Variants in RBFOX1 observed in about 807,000 individuals in gnomAD.
RBFOX1 encodes RNA binding fox-1 homolog 1.
A neutral mutation model predicts 57.7 loss-of-function variants in RBFOX1; 8 were observed. That is an observed-to-expected ratio of 0.14 (90% CI 0.08 to 0.25). The LOEUF (loss-of-function observed/expected upper bound fraction) is 0.25. RBFOX1 is among the 10% of genes least tolerant of loss of function. RBFOX1 has a pLI of 1.00. For missense variants in RBFOX1, 611 were observed against 548.5 expected, an observed-to-expected ratio of 1.11 and a Z score of -1.14; for synonymous variants, 326 against 222.4, an observed-to-expected ratio of 1.47 and a Z score of -4.15.
chr16:5,462,463 C>G (rs558468634), intron 1 of RBFOX1, among the ~76,000 whole-genome samples: 1 of 152,070 alleles, frequency 6.6e-6, no homozygotes. Flanking sequence ...CCACCGCGCC[C>G]GGCCGAAACC....
chr16:7,562,522 A>T (rs998812036), intron 5 of RBFOX1, among the ~76,000 whole-genome samples: 17 of 152,164 alleles, frequency 1.1e-4, no homozygotes, highest in Admixed American at 9.2e-4. Flanking sequence ...AGGATGGCTG[A>T]TCAGTGCCCC....
chr16:6,981,142 C>T (rs897546425), intron 3 of RBFOX1, among the ~76,000 whole-genome samples: 17 of 149,040 alleles, frequency 1.1e-4, no homozygotes, highest in African/African-American at 4.0e-4. Context: ...TTTAAATTTA[C>T]AGGTACACTT....
intron 3 of RBFOX1, among the ~76,000 whole-genome samples, chr16:5,820,086 C>G (rs2055789928): frequency 6.6e-6 from 1 of 152,216 alleles, no homozygotes; most frequent in Non-Finnish European, 1.5e-5. Context: ...CGCTTCTGCA[C>G]TATAAATGCA....
intron 4 of RBFOX1, among the ~76,000 whole-genome samples, chr16:7,052,556 C>G (rs1231403517): frequency 1.3e-5 from 2 of 152,014 alleles, no homozygotes; most frequent in Non-Finnish European, 2.9e-5. Flanking sequence ...ATCTATAGAC[C>G]TCTTGGTTTT....
intron 4 of RBFOX1, among the ~76,000 whole-genome samples, chr16:7,098,027 G>A (rs2061992666): frequency 6.6e-6 from 1 of 152,210 alleles, no homozygotes; most frequent in African/African-American, 2.4e-5. Context: ...TGAGCTCAGT[G>A]ATGGAGTATT....
chr16:7,571,091 A>G (rs372710758), intron 5 of RBFOX1, among the ~76,000 whole-genome samples: 200 of 152,274 alleles, frequency 1.3e-3, no homozygotes, highest in African/African-American at 4.2e-3. Context: ...GCGAAGGGAG[A>G]GCATCAGGAT....
At chr16:7,066,125 T>C (rs975990548) in intron 4 of RBFOX1, among the ~76,000 whole-genome samples, 6 of 152,212 alleles carry the variant, frequency 3.9e-5, no homozygotes, top group African/African-American at 1.2e-4. Context: ...CTATAGTCAT[T>C]AGGCACAAAC....
At chr16:6,249,529 A>G (rs1035540679) in intron 1 of RBFOX1, among the ~76,000 whole-genome samples, 7 of 152,136 alleles carry the variant, frequency 4.6e-5, no homozygotes, top group African/African-American at 1.7e-4. Context: ...ATCTCAAAAA[A>G]ACAAACAAAC....
intron 1 of RBFOX1, among the ~76,000 whole-genome samples, chr16:5,401,571 C>G (rs940493056): frequency 6.6e-6 from 1 of 151,848 alleles, no homozygotes; most frequent in South Asian, 2.1e-4. Flanking sequence ...AATTTTGACA[C>G]CCTTCCCCTA....
At chr16:7,406,514 C>T (rs928148302) in intron 4 of RBFOX1, among the ~76,000 whole-genome samples, 5 of 152,148 alleles carry the variant, frequency 3.3e-5, no homozygotes, top group Admixed American at 3.3e-4. Flanking sequence ...TCGAATCTTG[C>T]TTTTGAGTGG....
intron 2 of RBFOX1, among the ~76,000 whole-genome samples, chr16:6,631,153 T>A (rs2098380336): frequency 6.6e-6 from 1 of 151,864 alleles, no homozygotes; most frequent in Non-Finnish European, 1.5e-5. Context: ...ATTTAGAAGG[T>A]CAAAGGCAGA....
intron 1 of RBFOX1, among the ~76,000 whole-genome samples, chr16:5,320,485 A>AT (rs2064372532): frequency 6.6e-6 from 1 of 152,182 alleles, no homozygotes; most frequent in South Asian, 2.1e-4. Flanking sequence ...ACTTGGTTTT[A>AT]TTTTACTTAG....
At chr16:6,368,890 A>G (rs2090042582) in intron 2 of RBFOX1, among the ~76,000 whole-genome samples, 1 of 152,326 alleles carries the variant, frequency 6.6e-6, no homozygotes, top group East Asian at 1.9e-4. Flanking sequence ...GATTGTGGTA[A>G]AGTAACGCAG....
chr16:5,750,207 G>T (rs118005150), intron 3 of RBFOX1, among the ~76,000 whole-genome samples: 1 of 152,164 alleles, frequency 6.6e-6, no homozygotes, highest in Non-Finnish European at 1.5e-5. Context: ...AAATGTTGCT[G>T]CCCGATCATT....
intron 3 of RBFOX1, among the ~76,000 whole-genome samples, chr16:7,034,827 C>CTTTTTTTTTTTCTTTT (rs2043824001): frequency 3.7e-5 from 2 of 54,114 alleles, no homozygotes; most frequent in African/African-American, 8.9e-5. Flanking sequence ...TATTGCATTA[C>CTTTTTTTTTTTCTTTT]TTTTTTTTTT....
At chr16:7,389,209 T>G (rs2097944527) in intron 4 of RBFOX1, among the ~76,000 whole-genome samples, 1 of 152,158 alleles carries the variant, frequency 6.6e-6, no homozygotes, top group Non-Finnish European at 1.5e-5. Context: ...CATGGCAGCT[T>G]TGATCTCTCC....
At chr16:6,898,708 AAT>A (rs545874285) in intron 3 of RBFOX1, among the ~76,000 whole-genome samples, 537 of 152,146 alleles carry the variant, frequency 3.5e-3, no homozygotes, top group African/African-American at 0.012. Flanking sequence ...ATGTGTCTAT[AAT>A]ATATGTGTGT....
intron 3 of RBFOX1, among the ~76,000 whole-genome samples, chr16:7,025,787 C>A (rs2040730923): frequency 6.6e-6 from 1 of 152,118 alleles, no homozygotes; most frequent in Non-Finnish European, 1.5e-5. Flanking sequence ...AGATGGCCAG[C>A]AGATGGCGCT....
chr16:7,652,102 GAC>G (rs2065189209), intron 11 of RBFOX1, among the ~76,000 whole-genome samples: 1 of 152,036 alleles, frequency 6.6e-6, no homozygotes, highest in African/African-American at 2.4e-5. Context: ...ATCCTCTGCG[GAC>G]ACAGTTTGGG....
Sources: allele counts gnomAD v4.1 joint callset (sites outside exome capture counted in the v4.1 genomes callset), GRCh38; gene constraint gnomAD v4.1.1; transcripts MANE v1.5; gene names NCBI Gene and HGNC (gene_info 2026-07-23, HGNC 2026-07-21).